USH2A: variants seen among roughly 807,000 people sequenced by gnomAD.
USH2A encodes the protein Usher syndrome 2A (autosomal recessive, mild).
In USH2A, 443 loss-of-function variants were observed where a neutral mutation model predicts 538.9. That is an observed-to-expected ratio of 0.82 (90% CI 0.76 to 0.89). The LOEUF (loss-of-function observed/expected upper bound fraction) is 0.89. Among genes scored for constraint, USH2A ranks in the 40% least tolerant of loss-of-function variants. The probability of loss-of-function intolerance (pLI) is 0.00; values close to 1 mark genes in which losing one functional copy is unlikely to be tolerated. For missense variants in USH2A, 6,633 were observed against 6,324.8 expected (o/e 1.05, Z -1.65); for synonymous variants, 2,413 against 2,273.5 (o/e 1.06, Z -1.75).
chr1:215,675,613 A>G lies in USH2A; in HGVS notation c.12298T>C (p.Tyr4100His), dbSNP rs1303335839. 1.9e-6 allele frequency: 3 copies of G among 1,614,148 alleles called. No individual in the cohort carries two copies. Among genetic ancestry groups the G allele is most frequent in the East Asian group, 4.5e-5 (2 of 44,886 alleles). ...PMRTNGVIKT[Y>H]NIFSDGFLEY... is the part of the protein sequence containing the mutation. ...AGGAACCCGTCACTGAAGATGTTGT[A>G]TGTCTACAGAAGGACAGAAGCAAAA... The change falls in exon 63 of 72, where the codon TAC becomes CAC. Residue 4100 changes from tyrosine to histidine, a missense_variant. Tyr to His is a moderately conservative substitution (Grantham distance 83). Coordinates refer to ENST00000307340, the MANE Select transcript of USH2A (RefSeq NM_206933.4).
rs1367808676 is a variant in USH2A at position 215,647,579 on chromosome 1, G to A, written c.14734C>T (p.His4912Tyr). Residue 4912 changes from histidine (H) to tyrosine (Y), a missense_variant, in exon 67 of 72, where the codon CAC becomes TAC. Coordinates refer to ENST00000307340, the MANE Select transcript of USH2A (RefSeq NM_206933.4). ...YTTYKLRVVA[H>Y]NEVGSTASEW... ...GAAGCCGTACTGCCCACCTCGTTGT[G>A]TGCCACCACTCTCAGCTTGTATGTG... 1.2e-6 allele frequency: 2 copies of A among 1,614,018 alleles called. No homozygotes were observed. The highest frequency in any genetic ancestry group is 1.1e-5 in the South Asian group (1 of 91,088).
intron 21 of USH2A, among the ~76,000 whole-genome samples, chr1:216,127,767 C>A (rs1210037667): frequency 6.6e-6 from 1 of 152,164 alleles, no homozygotes; most frequent in African/African-American, 2.4e-5. Context: ...GCTGTTGTAG[C>A]AAAACTGTCA....
rs760858249 is a variant in USH2A at position 215,813,799 on chromosome 1, G to A, written c.9676C>T (p.Arg3226Ter). Residue 3226 changes from arginine (R) to a stop codon, truncating the protein, a stop_gained, in exon 49 of 72, where the codon CGA becomes TGA. Coordinates refer to ENST00000307340, the MANE Select transcript of USH2A (RefSeq NM_206933.4). LOFTEE classifies it high-confidence loss of function. ...TGATTTGGTTGTGCCTCCTGTATTC[G>A]GCCACCACAACAAACTCCAGTAGAA... ...LNSTGVCCGG[R>*]IQEAQPNHQC... 5.6e-6 allele frequency: 9 copies of A among 1,613,752 alleles called. No individual in the cohort carries two copies. The highest frequency in any genetic ancestry group is 1.3e-5 in the African/African-American group (1 of 74,934).
chr1:215,818,790 A>G (rs1218815257), intron 47 of USH2A, among the ~76,000 whole-genome samples: 1 of 151,826 alleles, frequency 6.6e-6, no homozygotes, highest in Non-Finnish European at 1.5e-5. Context: ...TGCCAGAAAA[A>G]TACTGCCTAG....
Position 216,324,218 on chromosome 1 carries a change from G to GT in USH2A, c.1277dup (p.Asn426LysfsTer9), listed in dbSNP as rs2037679829. On this transcript the variant is annotated frameshift_variant, in exon 7 of 72. Transcript: ENST00000307340. LOFTEE classifies it high-confidence loss of function. ...AATCAGGTTTTTCCAAATCTCCATT[G>GT]TTTTTCATTCCAAAAGCACCACAAT... 6.2e-7 allele frequency: 1 copy of GT among 1,613,232 alleles called. No homozygotes were observed. The highest frequency in any genetic ancestry group is 8.5e-7 in the Non-Finnish European group (1 of 1,179,636).
chr1:216,349,217 C>G (rs1479435074), intron 4 of USH2A, among the ~76,000 whole-genome samples: 1 of 151,924 alleles, frequency 6.6e-6, no homozygotes, highest in East Asian at 1.9e-4. Context: ...GACAAGAGAC[C>G]CTAATTGTTA....
intron 14 of USH2A, among the ~76,000 whole-genome samples, chr1:216,221,042 C>A (rs2035449667): frequency 6.6e-6 from 1 of 151,800 alleles, no homozygotes; most frequent in Non-Finnish European, 1.5e-5. Context: ...TCCATCAGTC[C>A]CTAACACAAA....
At chr1:216,216,484 G>A (rs2035343823) in intron 15 of USH2A, among the ~76,000 whole-genome samples, 1 of 151,990 alleles carries the variant, frequency 6.6e-6, no homozygotes, top group Admixed American at 6.6e-5. Context: ...GCTGGTTTGT[G>A]ATGATCTGTC....
chr1:215,677,069 G>C (rs960643552), intron 62 of USH2A, among the ~76,000 whole-genome samples: 1 of 152,052 alleles, frequency 6.6e-6, no homozygotes, highest in Non-Finnish European at 1.5e-5. Flanking sequence ...CCTCACCGTT[G>C]ATTGATTGTT....
At chr1:215,899,371 C>T (rs76367210) in intron 40 of USH2A, among the ~76,000 whole-genome samples, 3,025 of 152,252 alleles carry the variant, frequency 0.02, 46 homozygotes, top group South Asian at 0.054. Context: ...CTCTGTGTAG[C>T]TTGATTTAAT....
chr1:215,934,660 C>A lies in USH2A; in HGVS notation c.7256G>T (p.Gly2419Val), dbSNP rs375102632. 5.2e-5 allele frequency: 84 copies of A among 1,612,560 alleles called. No individual in the cohort carries two copies. The highest frequency in any genetic ancestry group is 2.5e-6 in the Non-Finnish European group (3 of 1,179,046). The part of the protein sequence containing the change: ...TVQVNISNSQ[G>V]SLITDPITIA... ...TGTTATAGGATCAGTTATCAAGCTG[C>A]CTTGGCTATTTGAAATATTCACTTG... Residue 2419 changes from glycine (G) to valine (V), a missense_variant, in exon 38 of 72, where the codon GGC becomes GTC. By Grantham distance (109) the Gly-to-Val change is moderately radical (BLOSUM62 -3). Coordinates refer to ENST00000307340, the MANE Select transcript of USH2A (RefSeq NM_206933.4).
At chr1:216,323,425 A>T in intron 8 of USH2A, 49 bp downstream of exon 8, 1 of 1,578,114 alleles carries the variant, frequency 6.3e-7, no homozygotes, top group Non-Finnish European at 8.7e-7. Flanking sequence ...TGCTGTTAAG[A>T]CAGTAAGTAT....
chr1:216,380,125 A>G (rs2038902195), intron 3 of USH2A, among the ~76,000 whole-genome samples: 1 of 152,200 alleles, frequency 6.6e-6, no homozygotes, highest in Non-Finnish European at 1.5e-5. Flanking sequence ...ATCTTAATGA[A>G]AACAGTAGAT....
chr1:215,821,816 T>C (rs998583557), intron 47 of USH2A, among the ~76,000 whole-genome samples: 2 of 151,614 alleles, frequency 1.3e-5, no homozygotes. Context: ...CTATCTCTTC[T>C]GTCTCTTCTA....
rs553109028 is a variant in USH2A, at chr1:215,903,160, A to G, written c.7301-2255T>C. Among the ~76,000 whole-genome samples, 9 of 152,238 alleles carry G rather than the reference A, an allele frequency of 5.9e-5. No homozygotes were observed. The East Asian group carries it at 1.6e-3, about 26-fold the overall frequency. ...AAGGCACATGAAAAAGGAAGAACGT[A>G]TCAGCTGTATCAACTCGGCTGAGAG... On this transcript the variant is annotated intron_variant, in intron 38 of 71. Coordinates refer to ENST00000307340, the MANE Select transcript of USH2A (RefSeq NM_206933.4).
intron 11 of USH2A, among the ~76,000 whole-genome samples, chr1:216,267,243 A>C (rs1367982032): frequency 6.6e-6 from 1 of 152,144 alleles, no homozygotes; most frequent in African/African-American, 2.4e-5. Context: ...CTTGTATGTC[A>C]AATACAATGA....
At chr1:216,027,252 A>G (rs1232073750) in intron 32 of USH2A, among the ~76,000 whole-genome samples, 1 of 152,158 alleles carries the variant, frequency 6.6e-6, no homozygotes, top group Non-Finnish European at 1.5e-5. Flanking sequence ...GGATGGGAAT[A>G]AAGACACCAG....
chr1:215,714,504 TTAATG>T (rs1659427521), intron 61 of USH2A, among the ~76,000 whole-genome samples: 1 of 152,210 alleles, frequency 6.6e-6, no homozygotes, highest in South Asian at 2.1e-4. Context: ...CTCATTAATA[TTAATG>T]CATGCATGCA....
chr1:215,946,170 A>T (rs1382711897), intron 37 of USH2A, among the ~76,000 whole-genome samples: 2 of 152,140 alleles, frequency 1.3e-5, no homozygotes, highest in South Asian at 4.1e-4. Context: ...CAAATGATGG[A>T]CCTATAGATC....
Sources: gnomAD v4.1 joint callset for allele counts (sites outside exome capture counted in the v4.1 genomes callset) on GRCh38, gnomAD v4.1.1 for gene constraint, MANE v1.5 for transcripts, NCBI Gene and HGNC (gene_info 2026-07-23, HGNC 2026-07-21) for gene names.